TASOR2: variants seen among roughly 807,000 people sequenced by gnomAD.
TASOR2 encodes the protein transcription activation suppressor family member 2, also known as protein TASOR 2.
A neutral mutation model predicts 199.5 loss-of-function variants in TASOR2; 84 were observed. The observed-to-expected ratio is 0.42, with a 90% confidence interval of 0.35 to 0.50. The LOEUF is 0.50. Among genes scored for constraint, TASOR2 ranks in the 20% least tolerant of loss-of-function variants. The pLI, the probability that TASOR2 is intolerant of heterozygous loss-of-function variation, is 0.02. For synonymous variants in TASOR2, 1,103 were observed against 1,046.6 expected (o/e 1.05, Z -1.04); for missense variants, 2,796 against 2,835.9 (o/e 0.99, Z 0.32).
chr10:5,693,128 C>A (rs1394840901), intron 1 of TASOR2, among the ~76,000 whole-genome samples: 1 of 152,156 alleles, frequency 6.6e-6, no homozygotes, highest in African/African-American at 2.4e-5. Flanking sequence ...CAGTGAGGCC[C>A]CGCAGCAGAG....
intron 1 of TASOR2, among the ~76,000 whole-genome samples, chr10:5,697,129 GAAAC>G (rs1837259316): frequency 6.6e-6 from 1 of 152,084 alleles, no homozygotes; most frequent in African/African-American, 2.4e-5. Flanking sequence ...CAATAAAACA[GAAAC>G]AAACAAAAAA....
exon 15 of TASOR2, chr10:5,749,102 C>G (rs1837622376): frequency 6.2e-7 from 1 of 1,614,130 alleles, no homozygotes; most frequent in East Asian, 2.2e-5. Context: ...ACGAGCCTCC[C>G]TCCCGGGCAC....
intron 10 of TASOR2, 139 bp downstream of exon 11, chr10:5,727,262 C>G (rs1834166395): frequency 1.3e-6 from 1 of 793,742 alleles, no homozygotes; most frequent in Non-Finnish European, 2.0e-6. Flanking sequence ...CACTGGTTCA[C>G]CCTTCTTGAC....
Position 5,748,494 on chromosome 10 carries a change from C to T in TASOR2, c.5073C>T (p.Ala1691=), listed in dbSNP as rs1314712970. 1 of 1,613,946 alleles carries T rather than the reference C, an allele frequency of 6.2e-7. No individual in the cohort carries two copies. The highest frequency in any genetic ancestry group is 1.3e-5 in the African/African-American group (1 of 75,042). The change falls in exon 15 of 21, where the codon GCC becomes GCT. Residue 1691 remains alanine, a synonymous_variant. Coordinates refer to ENST00000328090, the Ensembl canonical transcript of TASOR2. The surrounding 1 kb of genome is among the most constrained non-coding windows in gnomAD (Gnocchi z 5.1). The stretch of plus-strand genomic sequence containing the variant: ...AGGAAATACCAGCAGGCAGAATGGC[C>T]AGTTTGCTTAAGAATGGTGAGCCTG...
Position 5,720,484 on chromosome 10 carries a change from A to G in TASOR2, c.-99-60A>G, listed in dbSNP as rs989485241. 2.1e-6 allele frequency: 3 copies of G among 1,445,582 alleles called. No individual in the cohort carries two copies. The highest frequency in any genetic ancestry group is 1.8e-6 in the Non-Finnish European group (2 of 1,103,920). The allele number at this position is 1,445,582 out of a possible 1,614,324, so 89.5% of individuals were successfully genotyped here. On this transcript the variant is annotated intron_variant, in intron 3 of 20. Transcript: ENST00000328090. The surrounding 1 kb of genome is among the most constrained non-coding windows in gnomAD (Gnocchi z 5.3). Reference sequence around the variant, plus strand: ...TCAGGGCTCGGTGGGGTTGAGAAAAACTTGGTACATATGCAGTTCCATAGT... The same window carrying G: ...TCAGGGCTCGGTGGGGTTGAGAAAAGCTTGGTACATATGCAGTTCCATAGT...
chr10:5,705,355 A>T (rs1838445051), intron 1 of TASOR2, among the ~76,000 whole-genome samples: 2 of 152,138 alleles, frequency 1.3e-5, no homozygotes, highest in Admixed American at 1.3e-4. Context: ...GATTATTATT[A>T]TGTGTGAATA....
chr10:5,728,701 A>G (rs895682705), intron 10 of TASOR2, among the ~76,000 whole-genome samples: 1 of 152,164 alleles, frequency 6.6e-6, no homozygotes, highest in Non-Finnish European at 1.5e-5. Context: ...TAAGCAAAAC[A>G]TTACCCATGA....
chr10:5,759,862 A>G (rs1206005521), intron 18 of TASOR2, among the ~76,000 whole-genome samples: 1 of 152,256 alleles, frequency 6.6e-6, no homozygotes, highest in Non-Finnish European at 1.5e-5. Context: ...CAAAGGCTTC[A>G]GCAGGTCAAG....
Position 5,698,218 on chromosome 10 carries a change from CTCTT to C in TASOR2, c.-288+13047_-288+13050del, listed in dbSNP as rs1837385256. Among the ~76,000 whole-genome samples the C allele has an allele frequency of 1.3e-5, 2 of 152,130 alleles. No homozygotes were observed. Among genetic ancestry groups the C allele is most frequent in the Admixed American group, 6.5e-5 (1 of 15,278 alleles). On this transcript the variant is annotated intron_variant, in intron 1 of 20. Transcript: ENST00000328090. The surrounding 1 kb of genome is among the most constrained non-coding windows in gnomAD (Gnocchi z 4.4). ...GAGGCCTTGGGTATTTTTATTTGTT[CTCTT>C]TCTATCTGTGCCATTTCCATGAGAA...
intron 2 of TASOR2, among the ~76,000 whole-genome samples, chr10:5,716,199 A>C (rs1832606064): frequency 6.6e-6 from 1 of 152,170 alleles, no homozygotes; most frequent in Admixed American, 6.5e-5. Flanking sequence ...TCTGTTGTTG[A>C]CCAAAATGTT....
chr10:5,750,875 C>G lies in TASOR2; in HGVS notation c.6606+848C>G, dbSNP rs560937197. ...CCATCTCCATTAACCTCATCTAGGTCTAGGATCATAGGTGTCTAGAATTGT... is the reference window on the plus strand; with the variant it reads ...CCATCTCCATTAACCTCATCTAGGTGTAGGATCATAGGTGTCTAGAATTGT... On this transcript the variant is annotated intron_variant, in intron 15 of 20. Transcript: ENST00000328090. The surrounding 1 kb of genome is among the most constrained non-coding windows in gnomAD (Gnocchi z 5.4). Among the ~76,000 whole-genome samples the G allele has an allele frequency of 5.3e-5, 8 of 152,180 alleles. No homozygotes were observed. Among genetic ancestry groups the G allele is most frequent in the Non-Finnish European group, 1.2e-4 (8 of 68,026 alleles).
chr10:5,711,879 A>G (rs893632671), intron 1 of TASOR2, among the ~76,000 whole-genome samples: 39 of 152,258 alleles, frequency 2.6e-4, no homozygotes, highest in Admixed American at 1.2e-3. Flanking sequence ...CAGAGATACA[A>G]TGATTTCTAT....
chr10:5,759,106 G>T, intron 18 of TASOR2, 114 bp downstream of exon 19: 1 of 695,990 alleles, frequency 1.4e-6, no homozygotes, highest in Non-Finnish European at 2.5e-6. Flanking sequence ...CATCAGTAAA[G>T]AGCATGAGGG....
intron 1 of TASOR2, among the ~76,000 whole-genome samples, chr10:5,691,719 T>G (rs1198120275): frequency 6.6e-6 from 1 of 152,070 alleles, no homozygotes; most frequent in African/African-American, 2.4e-5. Context: ...ACATAATGAG[T>G]AAAGATGTCC....
rs1161296542 is a variant in TASOR2, at chr10:5,719,723, C to G, written c.-99-821C>G. 6.6e-6 allele frequency among the ~76,000 whole-genome samples: 1 copy of G among 152,040 alleles called. No individual in the cohort carries two copies. The highest frequency in any genetic ancestry group is 1.5e-5 in the Non-Finnish European group (1 of 67,994). Reference sequence around the variant, plus strand: ...GTAATGGAAAATACTGCTGACTGTTCAGCAACCAGGACCAGCTGCCTGCTA... The same window carrying G: ...GTAATGGAAAATACTGCTGACTGTTGAGCAACCAGGACCAGCTGCCTGCTA... On this transcript the variant is annotated intron_variant, in intron 3 of 20. Transcript: ENST00000328090. This position sits in a 1 kb window ranked among gnomAD's most constrained non-coding sequence, Gnocchi z 4.1.
At chr10:5,749,246 A>G (rs1439089519) in exon 15 of TASOR2, 1 of 1,614,072 alleles carries the variant, frequency 6.2e-7, no homozygotes, top group Non-Finnish European at 8.5e-7. Context: ...AGAACTTCAC[A>G]CGGCCTGAGG....
At chr10:5,724,003 A>G (rs1419531506) in intron 7 of TASOR2, among the ~76,000 whole-genome samples, 4 of 152,242 alleles carry the variant, frequency 2.6e-5, no homozygotes, top group African/African-American at 9.6e-5. Flanking sequence ...GCTTTAATAT[A>G]GAAATACTGA....
chr10:5,747,613 G>A, exon 15 of TASOR2: 6 of 1,614,166 alleles, frequency 3.7e-6, no homozygotes, highest in East Asian at 2.2e-5. Context: ...TGTAATTGAA[G>A]AAGTATCACC....
At chr10:5,726,354 A>C (rs1471069060) in intron 8 of TASOR2, among the ~76,000 whole-genome samples, 2 of 152,158 alleles carry the variant, frequency 1.3e-5, no homozygotes, top group East Asian at 1.9e-4. Context: ...ATTTATTTTC[A>C]TCTGTATTTC....
Sources: gnomAD v4.1 joint callset for allele counts (sites outside exome capture counted in the v4.1 genomes callset) on GRCh38, gnomAD v4.1.1 for gene constraint, Gnocchi (gnomAD v3.1) non-coding constraint, MANE v1.5 for transcripts, NCBI Gene and HGNC (gene_info 2026-07-23, HGNC 2026-07-21) for gene names.